The following RAB6A variants were observed in gnomAD, a reference collection of about 807,000 sequenced individuals.
RAB6A encodes the protein ras-related protein Rab-6A.
A neutral mutation model predicts 32.3 loss-of-function variants in RAB6A; 8 were observed. The ratio of observed to expected loss-of-function variants is 0.25; its 90% CI spans 0.15 to 0.45. The LOEUF is 0.45. Ranked by LOEUF, RAB6A falls within the 20% of genes least tolerant of loss-of-function variation. The pLI is 1.00. For synonymous variants in RAB6A, 73 were observed against 82.1 expected, an observed-to-expected ratio of 0.89 and a Z score of 0.60; for missense variants, 104 against 249.4, an observed-to-expected ratio of 0.42 and a Z score of 3.93.
At chr11:73,730,884 T>C (rs1367302651) in intron 1 of RAB6A, 61 bp from the exon 2 acceptor site, 1 of 1,314,516 alleles carries the variant, frequency 7.6e-7, no homozygotes, top group African/African-American at 1.5e-5. Context: ...TCTCAGAAAA[T>C]TTTTCTACAG....
At chr11:73,705,163 G>A (rs917651817) in intron 6 of RAB6A, among the ~76,000 whole-genome samples, 1 of 152,164 alleles carries the variant, frequency 6.6e-6, no homozygotes, top group Non-Finnish European at 1.5e-5. Flanking sequence ...GGGGACTACA[G>A]CAATGCCTTC....
chr11:73,713,787 AAT>A (rs534843258), intron 5 of RAB6A, among the ~76,000 whole-genome samples: 1 of 152,326 alleles, frequency 6.6e-6, no homozygotes, highest in South Asian at 2.1e-4. Context: ...AACAAGCTGT[AAT>A]TCTTTTAAAT....
At chr11:73,730,160 C>T (rs1037705147) in intron 2 of RAB6A, 2 of 152,314 alleles carry the variant, frequency 1.3e-5, no homozygotes, top group Non-Finnish European at 2.9e-5. Context: ...TTCCTTCTGT[C>T]GCTTTGGGTT....
intron 2 of RAB6A, among the ~76,000 whole-genome samples, chr11:73,728,657 A>C (rs899626587): frequency 2.0e-5 from 3 of 148,070 alleles, no homozygotes; most frequent in Non-Finnish European, 3.0e-5. Context: ...AAATGAAATA[A>C]AAATAATAGT....
intron 3 of RAB6A, among the ~76,000 whole-genome samples, chr11:73,720,542 T>C (rs1252536300): frequency 6.6e-6 from 1 of 152,206 alleles, no homozygotes; most frequent in Non-Finnish European, 1.5e-5. Flanking sequence ...AAAAAAATCT[T>C]GAAGTTCACA....
intron 1 of RAB6A, 132 bp downstream of exon 1, chr11:73,760,434 C>T: frequency 8.1e-7 from 1 of 1,241,830 alleles, no homozygotes; most frequent in Non-Finnish European, 1.1e-6. Context: ...GGGGGCACAT[C>T]GGGAAGGGCT....
At chr11:73,722,303 GTGTATATATATATATATA>G (rs1252934442) in intron 2 of RAB6A, 35 of 13,928 alleles carry the variant, frequency 2.5e-3, no homozygotes, top group African/African-American at 7.0e-3. Context: ...ATATGTGTGT[GTGTATATATATATATATA>G]TATATATATA....
chr11:73,684,757 G>A (rs1284243836), intron 6 of RAB6A, among the ~76,000 whole-genome samples: 1 of 148,888 alleles, frequency 6.7e-6, no homozygotes, highest in Non-Finnish European at 1.5e-5. Flanking sequence ...AGATTTCACA[G>A]GGAAGAGTTT....
chr11:73,755,892 A>AGAGGAGGAGGAAGAAGAG (rs1446125549), intron 1 of RAB6A, among the ~76,000 whole-genome samples: 3 of 151,094 alleles, frequency 2.0e-5, no homozygotes, highest in Admixed American at 1.3e-4. Context: ...AGGAGAAGGA[A>AGAGGAGGAGGAAGAAGAG]GAGGAGGAGG....
chr11:73,759,973 T>G, intron 1 of RAB6A: 5 of 1,210,822 alleles, frequency 4.1e-6, no homozygotes, highest in Admixed American at 2.3e-5. Context: ...AATTCAGATG[T>G]TTCCTCTATG....
At chr11:73,685,649 C>T (rs11235852) in intron 6 of RAB6A, among the ~76,000 whole-genome samples, 13,784 of 138,894 alleles carry the variant, frequency 0.099, 804 homozygotes, top group South Asian at 0.27. Context: ...GAGGCCAAGA[C>T]GGGTGGATCA....
intron 4 of RAB6A, among the ~76,000 whole-genome samples, chr11:73,716,591 A>T (rs952185758): frequency 3.3e-5 from 5 of 152,196 alleles, no homozygotes; most frequent in Non-Finnish European, 7.3e-5. Flanking sequence ...TAGTTTAAAA[A>T]TTTTTTGAAC....
intron 5 of RAB6A, among the ~76,000 whole-genome samples, chr11:73,708,491 GAAGT>G (rs141964069): frequency 0.034 from 5,190 of 152,210 alleles, 98 homozygotes; most frequent in African/African-American, 0.051. Flanking sequence ...TTCTGTAAGT[GAAGT>G]AAGTGAGTCA....
At chr11:73,704,964 C>G (rs1454440982) in intron 6 of RAB6A, among the ~76,000 whole-genome samples, 1 of 151,846 alleles carries the variant, frequency 6.6e-6, no homozygotes, top group Non-Finnish European at 1.5e-5. Flanking sequence ...CCACTGCACT[C>G]CAGCCTCGAT....
chr11:73,738,638 G>A (rs951971251), intron 1 of RAB6A, among the ~76,000 whole-genome samples: 1 of 152,122 alleles, frequency 6.6e-6, no homozygotes, highest in African/African-American at 2.4e-5. Context: ...AACAGGGTAA[G>A]ATCCTGTCTC....
chr11:73,707,748 C>G (rs1463111148), intron 5 of RAB6A, among the ~76,000 whole-genome samples: 1 of 152,034 alleles, frequency 6.6e-6, no homozygotes, highest in African/African-American at 2.4e-5. Flanking sequence ...CTTGACTGGG[C>G]TCATCCTGTA....
intron 1 of RAB6A, among the ~76,000 whole-genome samples, chr11:73,748,334 T>C (rs146283640): frequency 6.6e-6 from 1 of 152,312 alleles, no homozygotes; most frequent in African/African-American, 2.4e-5. Flanking sequence ...TGTATATAAA[T>C]GTCAAGAATA....
At chr11:73,725,047 T>TAGG (rs994612580) in intron 2 of RAB6A, among the ~76,000 whole-genome samples, 44 of 152,308 alleles carry the variant, frequency 2.9e-4, no homozygotes, top group Middle Eastern at 3.4e-3. Flanking sequence ...TGGCTTTTGA[T>TAGG]AGGAGGAGGG....
intron 6 of RAB6A, among the ~76,000 whole-genome samples, chr11:73,692,672 C>T (rs1049844404): frequency 2.6e-5 from 4 of 151,020 alleles, no homozygotes; most frequent in East Asian, 1.9e-4. Flanking sequence ...AAATGCCTGC[C>T]GGGCGCGGTG....
Sources: allele counts gnomAD v4.1 joint callset (sites outside exome capture counted in the v4.1 genomes callset), GRCh38; gene constraint gnomAD v4.1.1; transcripts MANE v1.5; gene names NCBI Gene and HGNC (gene_info 2026-07-23, HGNC 2026-07-21).